Variants in ANKRD45 observed in about 807,000 individuals in gnomAD.
ANKRD45 encodes the protein ankyrin repeat domain-containing protein 45.
In ANKRD45, 21 loss-of-function variants were observed where a neutral mutation model predicts 28.1. The observed-to-expected ratio is 0.75, with a 90% CI of 0.53 to 1.08. ANKRD45 has a LOEUF of 1.08. Ranked by LOEUF, ANKRD45 falls within the 50% of genes least tolerant of loss-of-function variation. The probability of loss-of-function intolerance (pLI) is 0.00; values close to 1 mark genes in which losing one functional copy is unlikely to be tolerated. For missense variants in ANKRD45, 261 were observed against 308.7 expected, an observed-to-expected ratio of 0.85 and a Z score of 1.16; for synonymous variants, 86 against 103.9, an observed-to-expected ratio of 0.83 and a Z score of 1.05.
At position 173,631,051 on chromosome 1, in the gene ANKRD45, A is replaced by C. The variant is rs540869289; in HGVS notation, c.497-3892T>G. ...GAGTGGTTGAAGAGATAAAAATCAAAGATCCAATTATCTGTTACATATAAG... is the reference window on the plus strand; with the variant it reads ...GAGTGGTTGAAGAGATAAAAATCAACGATCCAATTATCTGTTACATATAAG... On this transcript the variant is annotated intron_variant, in intron 3 of 5. Coordinates refer to ENST00000333279, the MANE Select transcript of ANKRD45 (RefSeq NM_198493.3). Among the ~76,000 whole-genome samples, 82 of 152,180 alleles carry C rather than the reference A, an allele frequency of 5.4e-4. 1 individual carries two copies. The highest frequency in any genetic ancestry group is 1.8e-3 in the African/African-American group (76 of 41,552).
chr1:173,697,860 C>T, the ANKRD45 span, among the ~76,000 whole-genome samples: 1 of 152,030 alleles, frequency 6.6e-6, no homozygotes, highest in Non-Finnish European at 1.5e-5. Context: ...AATTAAAAGA[C>T]ACAGACTAGC....
chr1:173,654,207 C>T (rs143984466), intron 2 of ANKRD45, among the ~76,000 whole-genome samples: 4 of 152,210 alleles, frequency 2.6e-5, no homozygotes, highest in African/African-American at 9.6e-5. Flanking sequence ...ATCTTTATAA[C>T]ATGGCATGTT....
In ANKRD45 at chr1:173,661,807, T is replaced by C. The variant is rs1001335031; in HGVS notation, c.-15-2374A>G. 1.1e-4 allele frequency among the ~76,000 whole-genome samples: 17 copies of C among 152,156 alleles called. 1 individual carries two copies. Among genetic ancestry groups the C allele is most frequent in the Admixed American group, 8.5e-4 (13 of 15,266 alleles). ...AAGATCCCTCCTATCATGAAGCATA[T>C]ATTCTGATTGGAAACAGGCAATAAA... is the stretch of plus-strand genomic sequence containing the variant. On this transcript the variant is annotated intron_variant, in intron 1 of 5. Transcript: ENST00000333279.
chr1:173,643,057 T>G (rs1198203413), intron 3 of ANKRD45, among the ~76,000 whole-genome samples: 1 of 152,178 alleles, frequency 6.6e-6, no homozygotes, highest in Non-Finnish European at 1.5e-5. Context: ...TGCTACATGT[T>G]TAAGTGTTTT....
At chr1:173,611,576 TACACACACACAC>T (rs57884253) in intron 5 of ANKRD45, among the ~76,000 whole-genome samples, 3,081 of 133,990 alleles carry the variant, frequency 0.023, 99 homozygotes, top group African/African-American at 0.073. Context: ...AATACATACA[TACACACACACAC>T]ACACACACAC....
At chr1:173,695,670 G>A in the ANKRD45 span, among the ~76,000 whole-genome samples, 1 of 152,188 alleles carries the variant, frequency 6.6e-6, no homozygotes, top group South Asian at 2.1e-4. Context: ...GCATATGAGT[G>A]TGTGTGTCTT....
At chr1:173,667,796 A>C (rs1670089511) in intron 1 of ANKRD45, 1 of 403,260 alleles carries the variant, frequency 2.5e-6, no homozygotes, top group Non-Finnish European at 4.8e-6. Flanking sequence ...AAGCTATTAA[A>C]ATACTCTTCC....
chr1:173,676,702 G>A, the ANKRD45 span, among the ~76,000 whole-genome samples: 1 of 151,644 alleles, frequency 6.6e-6, no homozygotes, highest in Non-Finnish European at 1.5e-5. Context: ...AGATACAATT[G>A]ACAAGGAAAT....
At chr1:173,631,079 A>G (rs1668178221) in intron 3 of ANKRD45, among the ~76,000 whole-genome samples, 1 of 152,122 alleles carries the variant, frequency 6.6e-6, no homozygotes, top group Non-Finnish European at 1.5e-5. Flanking sequence ...CATATAAGAA[A>G]CACACTTCAC....
the ANKRD45 span, among the ~76,000 whole-genome samples, chr1:173,706,140 T>C: frequency 4.0e-5 from 6 of 151,464 alleles, no homozygotes; most frequent in African/African-American, 1.5e-4. Flanking sequence ...CTATCTCTAC[T>C]AAAAATACAA....
At chr1:173,690,055 G>GGCCCC in the ANKRD45 span, among the ~76,000 whole-genome samples, 3 of 46,216 alleles carry the variant, frequency 6.5e-5, no homozygotes, top group South Asian at 6.5e-4. Flanking sequence ...GCCAATGCCT[G>GGCCCC]CCCCCCGCCC....
the ANKRD45 span, among the ~76,000 whole-genome samples, chr1:173,679,676 A>G: frequency 1.3e-5 from 2 of 152,256 alleles, no homozygotes; most frequent in African/African-American, 4.8e-5. Context: ...AATGGCAACG[A>G]AAGCCAAAAT....
chr1:173,664,987 G>A (rs550600240), intron 1 of ANKRD45, among the ~76,000 whole-genome samples: 1 of 152,046 alleles, frequency 6.6e-6, no homozygotes, highest in Non-Finnish European at 1.5e-5. Flanking sequence ...CTAGAGCCTA[G>A]TCTATGATTG....
At chr1:173,623,860 C>T (rs919279290) in intron 5 of ANKRD45, among the ~76,000 whole-genome samples, 1 of 148,324 alleles carries the variant, frequency 6.7e-6, no homozygotes, top group Non-Finnish European at 1.5e-5. Flanking sequence ...AATGCAGGAA[C>T]AGAAAACCAA....
chr1:173,648,211 T>C (rs1669024067), intron 2 of ANKRD45, among the ~76,000 whole-genome samples: 2 of 152,280 alleles, frequency 1.3e-5, no homozygotes, highest in South Asian at 2.1e-4. Flanking sequence ...GTGCTGGTAT[T>C]ATAGGCATAA....
At chr1:173,690,673 C>G in the ANKRD45 span, among the ~76,000 whole-genome samples, 1 of 152,156 alleles carries the variant, frequency 6.6e-6, no homozygotes, top group Admixed American at 6.5e-5. Context: ...ACATTTGTTG[C>G]TTTTTCCTAT....
the ANKRD45 span, among the ~76,000 whole-genome samples, chr1:173,693,423 A>C: frequency 6.6e-6 from 1 of 152,204 alleles, no homozygotes; most frequent in Non-Finnish European, 1.5e-5. Flanking sequence ...GAAAACAAGC[A>C]CTGGTTATAG....
intron 2 of ANKRD45, among the ~76,000 whole-genome samples, chr1:173,649,286 TAA>T (rs1162136084): frequency 6.6e-6 from 1 of 152,124 alleles, no homozygotes; most frequent in African/African-American, 2.4e-5. Context: ...CAACTTGATA[TAA>T]GTGTTCTCAA....
chr1:173,631,570 C>T (rs1039613911), intron 3 of ANKRD45, among the ~76,000 whole-genome samples: 2 of 151,880 alleles, frequency 1.3e-5, no homozygotes, highest in African/African-American at 4.8e-5. Flanking sequence ...TTCTCAAGGA[C>T]AGACCTTACG....
Sources: allele counts gnomAD v4.1 joint callset (sites outside exome capture counted in the v4.1 genomes callset), GRCh38; gene constraint gnomAD v4.1.1; transcripts MANE v1.5; gene names NCBI Gene and HGNC (gene_info 2026-07-23, HGNC 2026-07-21).